ACAP3: variants seen among roughly 807,000 people sequenced by gnomAD.
ACAP3 encodes ArfGAP with coiled-coil, ankyrin repeat and PH domains 3.
In ACAP3, 56 loss-of-function variants were observed where a neutral mutation model predicts 104.1. The ratio of observed to expected loss-of-function variants is 0.54; its 90% CI spans 0.43 to 0.67. The LOEUF is 0.67. Among genes scored for constraint, ACAP3 ranks in the 30% least tolerant of loss-of-function variants. The probability of loss-of-function intolerance (pLI) is 0.00; values close to 1 mark genes in which losing one functional copy is unlikely to be tolerated. For missense variants in ACAP3, 1,208 were observed against 1,174.9 expected (o/e 1.03, Z -0.41); for synonymous variants, 628 against 496.2 (o/e 1.27, Z -3.53).
In ACAP3 at chr1:1,294,792, C is replaced by G; in HGVS notation, c.1838G>C (p.Gly613Ala). 1 of 1,549,952 alleles carries G rather than the reference C, an allele frequency of 6.5e-7. No homozygotes were observed. ...GTCCGAGCTGCCATCCGAGCTGCCC[C>G]CAAGGCCACTGTCGCTACTCAGACC... is the stretch of plus-strand genomic sequence containing the variant. Reference protein sequence around the residue: ...PRSLSSDSGLGGSSDGSSDVL... With the variant: ...PRSLSSDSGLAGSSDGSSDVL... Residue 613 changes from glycine to alanine, a missense_variant, in exon 20 of 24, where the codon GGG (glycine) becomes GCG (alanine). Transcript: ENST00000354700.
At chr1:1,301,131 C>T (rs1641424214) in intron 5 of ACAP3, among the ~76,000 whole-genome samples, 1 of 151,726 alleles carries the variant, frequency 6.6e-6, no homozygotes, top group African/African-American at 2.4e-5. Flanking sequence ...AGTGCAGTGG[C>T]ACAGTTATGG....
At position 1,302,014 on chromosome 1, in the gene ACAP3, C is replaced by T; in HGVS notation, c.312G>A (p.Arg104=). The part of the protein sequence containing the change: ...ILFDQAQRSV[R]QQLQSFVKED... ...CTTTGACAAAGCTCTGGAGCTGCTG[C>T]CGCACGGACCTCTGGGCCTGGTCAA... Residue 104 remains arginine, a synonymous_variant, in exon 5 of 24, where the codon CGG becomes CGA. Coordinates refer to ENST00000354700, the MANE Select transcript of ACAP3 (RefSeq NM_030649.3). The T allele has an allele frequency of 6.4e-7, 1 of 1,572,112 alleles. No individual in the cohort carries two copies. Among genetic ancestry groups the T allele is most frequent in the Non-Finnish European group, 8.6e-7 (1 of 1,157,018 alleles).
Position 1,303,644 on chromosome 1 carries a change from G to T in ACAP3, c.106-363C>A. ...TTTCTCAGCCCATGTGGGGCTCATG[G>T]ACACGGCTCCCCTCTCCACGGCCTG... is the stretch of plus-strand genomic sequence containing the variant. On this transcript the variant is annotated intron_variant, in intron 2 of 23. Transcript: ENST00000354700. This position sits in a 1 kb window ranked among gnomAD's most constrained non-coding sequence, Gnocchi z 4.0. 1 of 409,764 alleles carries T rather than the reference G, an allele frequency of 2.4e-6. No homozygotes were observed. Among genetic ancestry groups the T allele is most frequent in the East Asian group, 4.9e-5 (1 of 20,438 alleles). 25.4% of individuals were successfully genotyped at this position (409,764 alleles called of 1,614,324 possible). A position where few individuals can be genotyped will look rare whatever the true frequency, so the allele number is the denominator to read the frequency against.
chr1:1,304,314 G>T (rs889996296), intron 1 of ACAP3, 171 bp from the exon 2 acceptor site: 3 of 775,294 alleles, frequency 3.9e-6, no homozygotes, highest in Admixed American at 5.2e-5. Context: ...CAGGTTCAGT[G>T]CACTTCCCCC....
rs1641017275 is a variant in ACAP3 at position 1,294,463 on chromosome 1, T to TCGG, written c.2075_2077dup (p.Ala692dup). 1 of 1,564,132 alleles carries TCGG rather than the reference T, an allele frequency of 6.4e-7. No homozygotes were observed. Among genetic ancestry groups the TCGG allele is most frequent in the South Asian group, 1.2e-5 (1 of 86,264 alleles). ...ATCCTCCGCGTCCGCCCAGTTGACCTCGGCCCCGTGGGCCAGCGCCGCCGC... is the reference window on the plus strand; with the variant it reads ...ATCCTCCGCGTCCGCCCAGTTGACCTCGGCGGCCCCGTGGGCCAGCGCCGCCGC... On this transcript the variant is annotated inframe_insertion, in exon 21 of 24. Transcript: ENST00000354700.
At chr1:1,294,847 G>A (rs1168911504) in intron 19 of ACAP3, 31 bp from the exon 20 acceptor site, 3 of 1,546,108 alleles carry the variant, frequency 1.9e-6, no homozygotes, top group Non-Finnish European at 2.6e-6. Flanking sequence ...GGGTCCTGAG[G>A]GTGGGAGGCC....
chr1:1,302,532 C>G (rs1052012872), intron 4 of ACAP3, among the ~76,000 whole-genome samples: 1 of 152,194 alleles, frequency 6.6e-6, no homozygotes, highest in Non-Finnish European at 1.5e-5. Flanking sequence ...CTCCTCTGTT[C>G]AGTCTGCGGC....
chr1:1,306,859 C>A (rs538784096), intron 1 of ACAP3, among the ~76,000 whole-genome samples: 3 of 152,230 alleles, frequency 2.0e-5, no homozygotes, highest in African/African-American at 7.2e-5. Context: ...TAACACAGTA[C>A]GTGAACCCAC....
chr1:1,296,409 G>A lies in ACAP3; in HGVS notation c.1337+16C>T, dbSNP rs1219284292. The stretch of plus-strand genomic sequence containing the variant: ...CAGCCCAACCCCCACCCCCAGCCTG[G>A]CCCTCAGGGGCCCACCTGTGGATGC... On this transcript the variant is annotated intron_variant, in intron 15 of 23. Transcript: ENST00000354700. 1 of 1,544,654 alleles carries A rather than the reference G, an allele frequency of 6.5e-7. No individual in the cohort carries two copies. Among genetic ancestry groups the A allele is most frequent in the South Asian group, 1.2e-5 (1 of 83,966 alleles).
intron 1 of ACAP3, chr1:1,307,072 T>C (rs1042801575): frequency 1.2e-6 from 1 of 839,804 alleles, no homozygotes; most frequent in Non-Finnish European, 1.7e-6. Context: ...AGGTGCGCAC[T>C]TGGGGATGCA....
chr1:1,299,017 G>C, intron 10 of ACAP3: 1 of 556,816 alleles, frequency 1.8e-6, no homozygotes. Flanking sequence ...CATGTGGCCA[G>C]CTGGGCGGAC....
rs564887554 is a variant in ACAP3 at position 1,294,754 on chromosome 1, C to T, written c.1876G>A (p.Gly626Ser). The T allele has an allele frequency of 6.0e-5, 93 of 1,549,888 alleles. No homozygotes were observed. In the African/African-American group the frequency reaches 1.0e-3, roughly 17 times the overall value. Residue 626 changes from glycine (G) to serine (S), a missense_variant, in exon 20 of 24, where the codon GGC becomes AGC. Transcript: ENST00000354700. ...ACGCTGTCCACCACAGAGCCCGAGC[C>T]GAAAGCCAGGACGTCCGAGCTGCCA... ...SDGSSDVLAF[G>S]SGSVVDSVTE...
chr1:1,295,798 G>A lies in ACAP3; in HGVS notation c.1643C>T (p.Pro548Leu), dbSNP rs767687908. ...CLRPHSSPRAPTARRKVRLEP... is the reference protein window; with the variant it reads ...CLRPHSSPRALTARRKVRLEP... ...AAGCCGGACCTTGCGGCGGGCAGTGGGAGCGCGGGGAGAGCTGTGGGGCCG... is the reference window on the plus strand; with the variant it reads ...AAGCCGGACCTTGCGGCGGGCAGTGAGAGCGCGGGGAGAGCTGTGGGGCCG... Residue 548 changes from proline to leucine, a missense_variant, in exon 18 of 24, where the codon CCC (proline) becomes CTC (leucine). By Grantham distance (98) the Pro-to-Leu change is moderately conservative. Coordinates refer to ENST00000354700, the MANE Select transcript of ACAP3 (RefSeq NM_030649.3). 2 of 1,609,510 alleles carry A rather than the reference G, an allele frequency of 1.2e-6. No individual in the cohort carries two copies. Among genetic ancestry groups the A allele is most frequent in the African/African-American group, 1.3e-5 (1 of 75,054 alleles).
At chr1:1,297,002 C>A (rs542818574) in intron 14 of ACAP3, among the ~76,000 whole-genome samples, 1 of 152,268 alleles carries the variant, frequency 6.6e-6, no homozygotes, top group Non-Finnish European at 1.5e-5. Flanking sequence ...ATCCACACTG[C>A]ACAAGCCAGC....
chr1:1,302,880 A>G (rs1437209776), intron 4 of ACAP3, 42 bp downstream of exon 4: 11 of 1,556,982 alleles, frequency 7.1e-6, no homozygotes, highest in Non-Finnish European at 8.7e-6. Context: ...GCTCGGTTCC[A>G]GGCCAGGCAC....
chr1:1,302,652 C>A (rs942031932), intron 4 of ACAP3, among the ~76,000 whole-genome samples: 1 of 152,094 alleles, frequency 6.6e-6, no homozygotes, highest in African/African-American at 2.4e-5. Flanking sequence ...GCAGCCAGGC[C>A]AGCCTGGGAC....
At chr1:1,295,179 T>A (rs1641067506) in intron 19 of ACAP3, among the ~76,000 whole-genome samples, 1 of 152,110 alleles carries the variant, frequency 6.6e-6, no homozygotes, top group Non-Finnish European at 1.5e-5. Context: ...GGCCCTAGGC[T>A]GAGGGCCGGC....
chr1:1,301,729 C>T, intron 5 of ACAP3: 2 of 351,878 alleles, frequency 5.7e-6, no homozygotes, highest in Non-Finnish European at 1.0e-5. Flanking sequence ...CCCAGCCATG[C>T]CCCAGACTCC....
At chr1:1,297,975 G>C in intron 13 of ACAP3, 38 bp downstream of exon 13, 1 of 1,611,010 alleles carries the variant, frequency 6.2e-7, no homozygotes, top group Non-Finnish European at 8.5e-7. Context: ...CGGTGGGCAG[G>C]TACGCCCCCC....
Sources: gnomAD v4.1 joint callset for allele counts (sites outside exome capture counted in the v4.1 genomes callset) on GRCh38, gnomAD v4.1.1 for gene constraint, Gnocchi (gnomAD v3.1) non-coding constraint, MANE v1.5 for transcripts, NCBI Gene and HGNC (gene_info 2026-07-23, HGNC 2026-07-21) for gene names.